TANC2: variants seen among roughly 807,000 people sequenced by gnomAD.
TANC2 encodes the protein tetratricopeptide repeat, ankyrin repeat and coiled-coil containing 2, also known as protein TANC2.
TANC2 carries 26 observed loss-of-function variants against 210.5 expected under a neutral mutation model. That is an observed-to-expected ratio of 0.12 (90% confidence interval 0.09 to 0.17). The LOEUF (loss-of-function observed/expected upper bound fraction) is 0.17, where lower values mean the gene tolerates loss of function less well. Ranked by LOEUF, TANC2 falls within the 10% of genes least tolerant of loss-of-function variation. TANC2 has a pLI of 1.00. For missense variants in TANC2, 2,129 were observed against 2,608.9 expected, an observed-to-expected ratio of 0.82 and a Z score of 4.01; for synonymous variants, 931 against 967.1, an observed-to-expected ratio of 0.96 and a Z score of 0.69.
intron 1 of TANC2, among the ~76,000 whole-genome samples, chr17:63,002,201 A>G (rs1358113785): frequency 2.0e-5 from 3 of 152,210 alleles, no homozygotes; most frequent in African/African-American, 7.2e-5. Flanking sequence ...ATTAATAATT[A>G]GTCATTGACT....
At chr17:63,354,748 T>G in intron 13 of TANC2, 35 bp from the exon 14 acceptor site, 1 of 1,526,560 alleles carries the variant, frequency 6.6e-7, no homozygotes, top group Non-Finnish European at 8.8e-7. Flanking sequence ...AAACTGAAGG[T>G]CTTTCTGTCT....
At chr17:63,217,451 C>T (rs2042053521) in intron 7 of TANC2, among the ~76,000 whole-genome samples, 1 of 152,126 alleles carries the variant, frequency 6.6e-6, no homozygotes, top group South Asian at 2.1e-4. Context: ...TTTTTCTCTA[C>T]ACTGGGAAGA....
At chr17:63,002,625 A>G (rs538161598) in intron 1 of TANC2, among the ~76,000 whole-genome samples, 3 of 152,226 alleles carry the variant, frequency 2.0e-5, no homozygotes, top group East Asian at 1.9e-4. Flanking sequence ...CATCCTAGAA[A>G]GGTTCCTCGT....
chr17:63,138,141 A>G (rs1214171358), intron 4 of TANC2, among the ~76,000 whole-genome samples: 1 of 152,206 alleles, frequency 6.6e-6, no homozygotes, highest in East Asian at 1.9e-4. Flanking sequence ...AATTTGTAAA[A>G]GACCCTTCCC....
At chr17:63,166,741 A>T (rs991390977) in intron 5 of TANC2, among the ~76,000 whole-genome samples, 3 of 152,162 alleles carry the variant, frequency 2.0e-5, no homozygotes, top group Admixed American at 2.0e-4. Flanking sequence ...TTCTACCCAT[A>T]ACAGTGTTAG....
At chr17:62,978,820 T>A (rs193071224) in intron 1 of TANC2, 1 of 152,222 alleles carries the variant, frequency 6.6e-6, no homozygotes, top group Non-Finnish European at 1.5e-5. Context: ...TCTTCTGTGA[T>A]ATTGTTCTTG....
intron 9 of TANC2, among the ~76,000 whole-genome samples, chr17:63,286,250 T>C (rs995665651): frequency 2.0e-5 from 3 of 152,226 alleles, no homozygotes; most frequent in African/African-American, 4.8e-5. Context: ...TCCTTCTGCC[T>C]GAAGGACTTC....
At chr17:63,287,543 T>C (rs190462737) in intron 9 of TANC2, among the ~76,000 whole-genome samples, 1 of 152,330 alleles carries the variant, frequency 6.6e-6, no homozygotes, top group East Asian at 1.9e-4. Context: ...TTCTGAAATG[T>C]TATTTGCAGA....
chr17:63,018,489 A>AAAAAAAAT (rs2034207284), intron 2 of TANC2, among the ~76,000 whole-genome samples: 1 of 151,576 alleles, frequency 6.6e-6, no homozygotes, highest in Non-Finnish European at 1.5e-5. Context: ...TCAAAAAAAA[A>AAAAAAAAT]AAATAAATAA....
intron 1 of TANC2, among the ~76,000 whole-genome samples, chr17:62,988,522 ATTGT>A (rs2032694101): frequency 6.6e-6 from 1 of 151,860 alleles, no homozygotes; most frequent in South Asian, 2.1e-4. Context: ...GTTTTCTCTG[ATTGT>A]TTGTTGGGAT....
At chr17:63,366,643 A>T (rs866442600) in intron 14 of TANC2, among the ~76,000 whole-genome samples, 1 of 152,374 alleles carries the variant, frequency 6.6e-6, no homozygotes, top group Middle Eastern at 3.4e-3. Context: ...GGGAGAAAGC[A>T]GCAAATTCCT....
At chr17:63,297,920 A>G (rs2146465250) in intron 9 of TANC2, among the ~76,000 whole-genome samples, 2 of 152,316 alleles carry the variant, frequency 1.3e-5, no homozygotes, top group South Asian at 4.1e-4. Context: ...ACATTTTTCA[A>G]AGAAGATGTA....
intron 9 of TANC2, among the ~76,000 whole-genome samples, chr17:63,302,717 C>G (rs1193807674): frequency 6.8e-6 from 1 of 147,224 alleles, no homozygotes; most frequent in Non-Finnish European, 1.5e-5. Context: ...CTGAATACAG[C>G]ACACAGATGG....
At chr17:63,007,158 AT>A (rs2033661306) in intron 1 of TANC2, among the ~76,000 whole-genome samples, 1 of 152,056 alleles carries the variant, frequency 6.6e-6, no homozygotes. Context: ...GAGCCCAGGA[AT>A]TTGAGGTTGC....
chr17:63,075,569 A>G (rs2036542392), intron 3 of TANC2, among the ~76,000 whole-genome samples: 1 of 152,170 alleles, frequency 6.6e-6, no homozygotes, highest in South Asian at 2.1e-4. Context: ...TTTGTCGCCT[A>G]GGCTGGAGTG....
chr17:63,065,809 G>A (rs2036174017), intron 2 of TANC2, among the ~76,000 whole-genome samples: 1 of 152,232 alleles, frequency 6.6e-6, no homozygotes, highest in South Asian at 2.1e-4. Context: ...CTTATCAGAT[G>A]TATGGTTTGC....
chr17:63,043,927 A>G (rs1243580450), intron 2 of TANC2, among the ~76,000 whole-genome samples: 1 of 152,182 alleles, frequency 6.6e-6, no homozygotes, highest in Non-Finnish European at 1.5e-5. Flanking sequence ...TCTATCAGTC[A>G]TCAAGCCCAG....
intron 2 of TANC2, among the ~76,000 whole-genome samples, chr17:63,046,439 C>T (rs1266567766): frequency 1.4e-5 from 2 of 143,196 alleles, no homozygotes; most frequent in African/African-American, 5.2e-5. Context: ...TCAAGTGATT[C>T]TCCTGCTGCA....
rs1029905468 is a variant in TANC2, at chr17:63,345,269, T to G, written c.1807+4937T>G. ...TAAAGAACTTAGTAAGTGGAAGAGA[T>G]ATGTCATAAATGAGGATTGGAAGAT... On this transcript the variant is annotated intron_variant, in intron 12 of 27. Coordinates refer to ENST00000689528, the Ensembl canonical transcript of TANC2. Among the ~76,000 whole-genome samples the G allele has an allele frequency of 7.2e-5, 11 of 152,266 alleles. No individual in the cohort carries two copies. The South Asian group carries it at 2.3e-3, about 32-fold the overall frequency.
Sources: allele counts gnomAD v4.1 joint callset (sites outside exome capture counted in the v4.1 genomes callset), GRCh38; gene constraint gnomAD v4.1.1; transcripts MANE v1.5; gene names NCBI Gene and HGNC (gene_info 2026-07-23, HGNC 2026-07-21).